ADAM12: variants seen among roughly 807,000 people sequenced by gnomAD.
ADAM12 encodes disintegrin and metalloproteinase domain-containing protein 12.
ADAM12 carries 70 observed loss-of-function variants against 106.4 expected under a neutral mutation model. The ratio of observed to expected loss-of-function variants is 0.66; its 90% CI spans 0.54 to 0.80. ADAM12 has a LOEUF of 0.80. ADAM12 is among the 30% of genes least tolerant of loss of function. The probability of loss-of-function intolerance (pLI) is 0.00; values close to 1 mark genes in which losing one functional copy is unlikely to be tolerated. For synonymous variants in ADAM12, 420 were observed against 433.5 expected, an observed-to-expected ratio of 0.97 and a Z score of 0.39; for missense variants, 1,010 against 1,171.9, an observed-to-expected ratio of 0.86 and a Z score of 2.02.
intron 1 of ADAM12, among the ~76,000 whole-genome samples, chr10:126,362,569 A>G (rs1398909992): frequency 2.0e-5 from 3 of 152,196 alleles, no homozygotes; most frequent in Non-Finnish European, 4.4e-5. Context: ...CAACAGATGA[A>G]TAAAGAAAAT....
chr10:126,226,175 G>C (rs903972822), intron 3 of ADAM12, among the ~76,000 whole-genome samples: 3 of 143,644 alleles, frequency 2.1e-5, no homozygotes, highest in Non-Finnish European at 4.6e-5. Flanking sequence ...ATAATCCCTG[G>C]GGAAAGGTGG....
At chr10:126,048,885 T>C (rs1954397685) in intron 16 of ADAM12, among the ~76,000 whole-genome samples, 1 of 152,152 alleles carries the variant, frequency 6.6e-6, no homozygotes, top group African/African-American at 2.4e-5. Flanking sequence ...TGATTTCCCA[T>C]TCTGTTCAGG....
At chr10:126,386,563 A>C (rs1856666909) in intron 1 of ADAM12, among the ~76,000 whole-genome samples, 1 of 152,120 alleles carries the variant, frequency 6.6e-6, no homozygotes, top group Non-Finnish European at 1.5e-5. Context: ...TGTCTTAAGG[A>C]AACACTCTCT....
intron 3 of ADAM12, among the ~76,000 whole-genome samples, chr10:126,203,937 C>T (rs945006412): frequency 2.1e-5 from 2 of 93,218 alleles, no homozygotes; most frequent in South Asian, 3.2e-4. Context: ...TGCGCGCGCG[C>T]GCGTGTGTGT....
chr10:126,222,314 T>G (rs1484196741), intron 3 of ADAM12, among the ~76,000 whole-genome samples: 1 of 152,020 alleles, frequency 6.6e-6, no homozygotes, highest in African/African-American at 2.4e-5. Context: ...AGGTCTCACG[T>G]GAAATTGAAT....
intron 21 of ADAM12, among the ~76,000 whole-genome samples, chr10:126,033,419 C>G (rs1053229999): frequency 1.6e-4 from 25 of 152,190 alleles, no homozygotes; most frequent in Admixed American, 1.5e-3. Flanking sequence ...ACAAAAATGT[C>G]TGGACATAAA....
chr10:126,310,158 C>CAA (rs35363888), intron 2 of ADAM12, among the ~76,000 whole-genome samples: 101 of 100,528 alleles, frequency 1.0e-3, no homozygotes, highest in African/African-American at 3.3e-3. Flanking sequence ...GACTCTGTCT[C>CAA]AAAAAAAAAA....
chr10:126,026,786 A>G (rs946566457), intron 21 of ADAM12, among the ~76,000 whole-genome samples: 1 of 152,228 alleles, frequency 6.6e-6, no homozygotes, highest in Non-Finnish European at 1.5e-5. Flanking sequence ...AGGGAAAGGT[A>G]TAACACTAAA....
chr10:126,177,621 T>C (rs1957242678), intron 3 of ADAM12, among the ~76,000 whole-genome samples: 2 of 152,198 alleles, frequency 1.3e-5, no homozygotes, highest in Admixed American at 1.3e-4. Context: ...TTTTGGTTAT[T>C]TAAAAGACAA....
chr10:126,089,367 G>GTTTCCAAAT (rs1955420036), intron 11 of ADAM12, among the ~76,000 whole-genome samples: 1 of 152,112 alleles, frequency 6.6e-6, no homozygotes, highest in Non-Finnish European at 1.5e-5. Context: ...CGAGTGTGCT[G>GTTTCCAAAT]GTGAAGGATC....
intron 6 of ADAM12, among the ~76,000 whole-genome samples, chr10:126,114,715 G>C (rs1447242864): frequency 5.3e-5 from 8 of 152,118 alleles, no homozygotes; most frequent in Admixed American, 1.3e-4. Context: ...CCTGACCTCA[G>C]GTGATCTGCC....
At chr10:126,045,958 T>TA in intron 17 of ADAM12, 97 bp downstream of exon 17, 1 of 1,102,760 alleles carries the variant, frequency 9.1e-7, no homozygotes, top group Non-Finnish European at 1.4e-6. Context: ...CTGCTCTATT[T>TA]AAAAAATGCT....
intron 2 of ADAM12, among the ~76,000 whole-genome samples, chr10:126,296,106 C>T (rs1027657224): frequency 5.9e-5 from 9 of 152,082 alleles, no homozygotes; most frequent in Admixed American, 2.0e-4. Context: ...GAAATGTGCA[C>T]CAAAACATTT....
chr10:126,288,602 C>T (rs1959991465), intron 2 of ADAM12, among the ~76,000 whole-genome samples: 1 of 150,080 alleles, frequency 6.7e-6, no homozygotes, highest in Admixed American at 6.6e-5. Context: ...GCCTCAGGAA[C>T]AGAACAGTGT....
intron 3 of ADAM12, among the ~76,000 whole-genome samples, chr10:126,168,135 CTTTTCA>C (rs979646166): frequency 3.9e-5 from 6 of 152,168 alleles, no homozygotes; most frequent in African/African-American, 1.4e-4. Flanking sequence ...AGAGAGGTGC[CTTTTCA>C]GCTGGGCTAA....
intron 1 of ADAM12, among the ~76,000 whole-genome samples, chr10:126,371,010 T>G (rs1399106707): frequency 6.6e-6 from 1 of 152,220 alleles, no homozygotes; most frequent in Admixed American, 6.5e-5. Flanking sequence ...GTCATCACTA[T>G]TAGTTATTCG....
rs530287238 is a variant in ADAM12 at position 126,259,811 on chromosome 10, C to T, written c.260+19104G>A. Among the ~76,000 whole-genome samples, 59 of 152,272 alleles carry T rather than the reference C, an allele frequency of 3.9e-4. 1 individual carries two copies. Among genetic ancestry groups the T allele is most frequent in the Middle Eastern group, 3.4e-3 (1 of 294 alleles). ...AAACGCTCAGTAAGGTTTGGTGGGCCAAACATCTAACACTGAAATTCTTTC... is the reference window on the plus strand; with the variant it reads ...AAACGCTCAGTAAGGTTTGGTGGGCTAAACATCTAACACTGAAATTCTTTC... On this transcript the variant is annotated intron_variant, in intron 3 of 22. Coordinates refer to ENST00000448723, the MANE Select transcript of ADAM12 (RefSeq NM_001288973.2).
Position 126,358,779 on chromosome 10 carries a change from A to G in ADAM12, c.89-28270T>C, listed in dbSNP as rs558378704. Reference sequence around the variant, plus strand: ...CTCTAAAAAAACTGCTAGAATTTAGAATAAACAAATTCAGTAAAATTGCAG... The same window carrying G: ...CTCTAAAAAAACTGCTAGAATTTAGGATAAACAAATTCAGTAAAATTGCAG... On this transcript the variant is annotated intron_variant, in intron 1 of 22. Coordinates refer to ENST00000448723, the MANE Select transcript of ADAM12 (RefSeq NM_001288973.2). Among the ~76,000 whole-genome samples, 4 of 152,362 alleles carry G rather than the reference A, an allele frequency of 2.6e-5. No homozygotes were observed. In the East Asian group the frequency reaches 5.8e-4, roughly 22 times the overall value.
rs557210148 is a variant in ADAM12, at chr10:126,139,309, G to T, written c.340-3649C>A. 1.3e-4 allele frequency among the ~76,000 whole-genome samples: 20 copies of T among 152,058 alleles called. 2 individuals are homozygous for T. In the South Asian group the frequency reaches 4.1e-3, roughly 31 times the overall value. On this transcript the variant is annotated intron_variant, in intron 4 of 22. Coordinates refer to ENST00000448723, the MANE Select transcript of ADAM12 (RefSeq NM_001288973.2). ...GTTGGAAAATTTTTGTTAAGCTTATGTATAGGTATTGTGTAGATTTGTTGA... is the reference window on the plus strand; with the variant it reads ...GTTGGAAAATTTTTGTTAAGCTTATTTATAGGTATTGTGTAGATTTGTTGA...
Sources: allele counts gnomAD v4.1 joint callset (sites outside exome capture counted in the v4.1 genomes callset), GRCh38; gene constraint gnomAD v4.1.1; transcripts MANE v1.5; gene names NCBI Gene and HGNC (gene_info 2026-07-23, HGNC 2026-07-21).